Variants in SCHIP1 observed in about 807,000 individuals in gnomAD.
SCHIP1 encodes the protein schwannomin interacting protein 1.
Under a neutral mutation model 29.7 loss-of-function variants are expected in SCHIP1, and 8 were observed. The observed-to-expected ratio is 0.27, with a 90% CI of 0.16 to 0.49. SCHIP1 has a LOEUF of 0.49. SCHIP1 is among the 20% of genes least tolerant of loss of function. The pLI is 0.99. For missense variants in SCHIP1, 193 were observed against 294.6 expected (o/e 0.66, Z 2.52); for synonymous variants, 76 against 94.9 (o/e 0.80, Z 1.16).
the SCHIP1 span, among the ~76,000 whole-genome samples, chr3:159,619,312 G>A: frequency 6.6e-6 from 1 of 152,156 alleles, no homozygotes; most frequent in Non-Finnish European, 1.5e-5. Flanking sequence ...GAAATCTTCA[G>A]TGTCACCAAA....
the SCHIP1 span, among the ~76,000 whole-genome samples, chr3:159,428,024 C>T: frequency 6.6e-6 from 1 of 152,190 alleles, no homozygotes; most frequent in Non-Finnish European, 1.5e-5. Context: ...CCCTTCCTTA[C>T]ATCTTATTCA....
the SCHIP1 span, among the ~76,000 whole-genome samples, chr3:159,510,111 G>C: frequency 6.6e-6 from 1 of 152,198 alleles, no homozygotes; most frequent in Non-Finnish European, 1.5e-5. Context: ...ACACCAATCA[G>C]ACGTAGATTT....
the SCHIP1 span, among the ~76,000 whole-genome samples, chr3:159,303,466 C>CAAAGA: frequency 1.0e-5 from 1 of 100,030 alleles, no homozygotes; most frequent in Non-Finnish European, 2.1e-5. Flanking sequence ...GAGAGAAGAA[C>CAAAGA]AAAGAAAAGA....
the SCHIP1 span, among the ~76,000 whole-genome samples, chr3:159,664,080 T>C: frequency 6.6e-6 from 1 of 152,178 alleles, no homozygotes; most frequent in Admixed American, 6.5e-5. Context: ...TGACAGGATT[T>C]AATGGAAGCA....
chr3:159,432,038 G>A, the SCHIP1 span, among the ~76,000 whole-genome samples: 2 of 152,062 alleles, frequency 1.3e-5, no homozygotes, highest in Admixed American at 6.6e-5. Flanking sequence ...AACAGTTGCT[G>A]TGGGTCAGGA....
chr3:159,504,934 C>T, the SCHIP1 span, among the ~76,000 whole-genome samples: 1 of 152,100 alleles, frequency 6.6e-6, no homozygotes, highest in Non-Finnish European at 1.5e-5. Context: ...TAACACATAA[C>T]TTAAGGGACA....
the SCHIP1 span, among the ~76,000 whole-genome samples, chr3:159,767,832 T>C: frequency 6.6e-6 from 1 of 152,220 alleles, no homozygotes; most frequent in East Asian, 1.9e-4. Flanking sequence ...GTTTTCTTAG[T>C]GCTTGTCACT....
At chr3:159,384,183 T>G in the SCHIP1 span, among the ~76,000 whole-genome samples, 1 of 151,274 alleles carries the variant, frequency 6.6e-6, no homozygotes, top group South Asian at 2.1e-4. Flanking sequence ...CCCTGTCTTG[T>G]GCCAGTTTTC....
At chr3:159,773,431 G>A in the SCHIP1 span, among the ~76,000 whole-genome samples, 1 of 152,154 alleles carries the variant, frequency 6.6e-6, no homozygotes, top group Non-Finnish European at 1.5e-5. Flanking sequence ...GCCCAAGCCT[G>A]ACCCAGCCTC....
chr3:159,373,785 A>T, the SCHIP1 span, among the ~76,000 whole-genome samples: 11 of 152,166 alleles, frequency 7.2e-5, no homozygotes, highest in African/African-American at 2.4e-4. Context: ...ATATATATGT[A>T]TATACACACA....
At chr3:159,429,803 G>C in the SCHIP1 span, among the ~76,000 whole-genome samples, 1 of 152,132 alleles carries the variant, frequency 6.6e-6, no homozygotes. Context: ...TTTGAGCCTA[G>C]AGCTCTAAAT....
chr3:159,475,428 G>A, the SCHIP1 span, among the ~76,000 whole-genome samples: 1 of 152,148 alleles, frequency 6.6e-6, no homozygotes, highest in African/African-American at 2.4e-5. Flanking sequence ...GAGAAAGGGA[G>A]AAATGGGAAA....
the SCHIP1 span, among the ~76,000 whole-genome samples, chr3:159,450,311 A>G: frequency 2.6e-5 from 4 of 152,206 alleles, no homozygotes; most frequent in African/African-American, 9.7e-5. Flanking sequence ...CGTAAGTTCT[A>G]TTGCCTGCTT....
At chr3:159,743,413 G>C in the SCHIP1 span, among the ~76,000 whole-genome samples, 1 of 152,286 alleles carries the variant, frequency 6.6e-6, no homozygotes, top group South Asian at 2.1e-4. Context: ...ATGAGCTATT[G>C]ATACTTAACA....
the SCHIP1 span, among the ~76,000 whole-genome samples, chr3:159,806,976 TAATTATG>T: frequency 6.6e-6 from 1 of 152,234 alleles, no homozygotes; most frequent in Non-Finnish European, 1.5e-5. Context: ...ACTTGTCTCT[TAATTATG>T]TAAACTAAAT....
chr3:159,469,268 C>T, the SCHIP1 span, among the ~76,000 whole-genome samples: 1 of 151,976 alleles, frequency 6.6e-6, no homozygotes, highest in African/African-American at 2.4e-5. Context: ...AATTTTAAAT[C>T]CCATGTGTTT....
the SCHIP1 span, among the ~76,000 whole-genome samples, chr3:159,582,121 T>C: frequency 6.6e-6 from 1 of 152,100 alleles, no homozygotes; most frequent in Non-Finnish European, 1.5e-5. Context: ...ATGATCTAGA[T>C]AGGTTTTTTT....
At chr3:159,721,080 C>T in the SCHIP1 span, among the ~76,000 whole-genome samples, 1 of 152,084 alleles carries the variant, frequency 6.6e-6, no homozygotes, top group Non-Finnish European at 1.5e-5. Flanking sequence ...TATTTTTCTG[C>T]TGTCAGCTAG....
the SCHIP1 span, among the ~76,000 whole-genome samples, chr3:159,788,360 C>T: frequency 1.3e-5 from 2 of 152,218 alleles, no homozygotes; most frequent in African/African-American, 4.8e-5. Context: ...GTGCCAAATG[C>T]AGTCACTGCA....
Sources: gnomAD v4.1 joint callset for allele counts (sites outside exome capture counted in the v4.1 genomes callset) on GRCh38, gnomAD v4.1.1 for gene constraint, MANE v1.5 for transcripts, NCBI Gene and HGNC (gene_info 2026-07-23, HGNC 2026-07-21) for gene names.